CELF6: variants seen among roughly 807,000 people sequenced by gnomAD.
CELF6 encodes the protein Bruno -like 6, RNA binding protein.
CELF6 carries 32 observed loss-of-function variants against 53.1 expected under a neutral mutation model. The observed-to-expected ratio is 0.60, with a 90% CI of 0.46 to 0.81. The LOEUF is 0.81. CELF6 is among the 30% of genes least tolerant of loss of function. The pLI is 0.00. For synonymous variants in CELF6, 291 were observed against 288.8 expected, an observed-to-expected ratio of 1.01 and a Z score of -0.08; for missense variants, 539 against 669.5, an observed-to-expected ratio of 0.81 and a Z score of 2.15.
intron 3 of CELF6, among the ~76,000 whole-genome samples, chr15:72,295,277 A>G (rs71397231): frequency 0.012 from 1,822 of 152,240 alleles, 16 homozygotes; most frequent in East Asian, 0.024. Context: ...GGAGGTTTGC[A>G]GTGAGCCGAG....
intron 2 of CELF6, among the ~76,000 whole-genome samples, chr15:72,305,499 G>A (rs940866525): frequency 7.2e-5 from 11 of 152,188 alleles, no homozygotes; most frequent in African/African-American, 2.4e-4. Flanking sequence ...GAGCCACTGC[G>A]CCCGGCCAGA....
intron 3 of CELF6, among the ~76,000 whole-genome samples, chr15:72,301,886 G>C (rs900497724): frequency 1.2e-4 from 19 of 152,014 alleles, no homozygotes; most frequent in African/African-American, 4.6e-4. Flanking sequence ...ACATGCGCCC[G>C]CCACCACACC....
Position 72,319,450 on chromosome 15 carries a change from G to A in CELF6, c.262+163C>T, listed in dbSNP as rs2088400040. On this transcript the variant is annotated intron_variant, in intron 1 of 12. Coordinates refer to ENST00000287202, the MANE Select transcript of CELF6 (RefSeq NM_052840.5). The surrounding 1 kb of genome is among the most constrained non-coding windows in gnomAD (Gnocchi z 5.0). ...AGTGATAATCAGAGGGAGGATGTCAGAGAGAAAATTCTGTGATCTGGGAAG... is the reference window on the plus strand; with the variant it reads ...AGTGATAATCAGAGGGAGGATGTCAAAGAGAAAATTCTGTGATCTGGGAAG... Among the ~76,000 whole-genome samples, 1 of 152,048 alleles carries A rather than the reference G, an allele frequency of 6.6e-6. No individual in the cohort carries two copies. Among genetic ancestry groups the A allele is most frequent in the South Asian group, 2.1e-4 (1 of 4,828 alleles).
chr15:72,319,254 A>C lies in CELF6; in HGVS notation c.262+359T>G, dbSNP rs145634465. ...GAGTGTTTGGGCTCAGGGTTTGGGA[A>C]ATTGAGGGTATTCGAGATCTAGAAG... On this transcript the variant is annotated intron_variant, in intron 1 of 12. Transcript: ENST00000287202. The surrounding 1 kb of genome is among the most constrained non-coding windows in gnomAD (Gnocchi z 5.0). 1.3e-5 allele frequency among the ~76,000 whole-genome samples: 2 copies of C among 152,168 alleles called. No individual in the cohort carries two copies. Among genetic ancestry groups the C allele is most frequent in the African/African-American group, 4.8e-5 (2 of 41,512 alleles).
In CELF6 at chr15:72,304,251, T is replaced by C. The variant is rs549673172; in HGVS notation, c.394+495A>G. 3.3e-5 allele frequency among the ~76,000 whole-genome samples: 5 copies of C among 152,238 alleles called. No individual in the cohort carries two copies. In the South Asian group the frequency reaches 1.0e-3, roughly 32 times the overall value. On this transcript the variant is annotated intron_variant, in intron 3 of 12. Transcript: ENST00000287202. Reference sequence around the variant, plus strand: ...TCAGAGCTTTCCATGGTCCTCAGCATAGAGGACTTACTATGGCCCATAAAG... The same window carrying C: ...TCAGAGCTTTCCATGGTCCTCAGCACAGAGGACTTACTATGGCCCATAAAG...
At chr15:72,295,455 G>A (rs2088065485) in intron 3 of CELF6, among the ~76,000 whole-genome samples, 1 of 151,356 alleles carries the variant, frequency 6.6e-6, no homozygotes, top group African/African-American at 2.4e-5. Context: ...GAGGCCAGGC[G>A]TGGTGGCTCA....
intron 1 of CELF6, among the ~76,000 whole-genome samples, chr15:72,316,328 C>T (rs1178458937): frequency 6.6e-6 from 1 of 152,184 alleles, no homozygotes; most frequent in Non-Finnish European, 1.5e-5. Flanking sequence ...CCAGGATCAG[C>T]CTCAATTCCT....
intron 2 of CELF6, among the ~76,000 whole-genome samples, chr15:72,307,722 T>C (rs2959926): frequency 0.19 from 29,570 of 152,156 alleles, 7,664 homozygotes; most frequent in African/African-American, 0.59. Context: ...TCTTAAGGCA[T>C]GAACACAAAT....
Position 72,290,203 on chromosome 15 carries a change from G to A in CELF6, c.447C>T (p.Asp149=), listed in dbSNP as rs771470304. 1.3e-4 allele frequency: 204 copies of A among 1,613,862 alleles called. No individual in the cohort carries two copies. The highest frequency in any genetic ancestry group is 1.7e-4 in the Non-Finnish European group (201 of 1,179,946). ...GMLGKQQGEE[D]VRRLFQPFGH... ...CAAAGGGCTGGAACAGGCGTCTGAC[G>A]TCCTCCTCACCCTGCTGCTTGCCCA... is the stretch of plus-strand genomic sequence containing the variant. The change falls in exon 4 of 13, where the codon GAC becomes GAT. Residue 149 remains aspartate, a synonymous_variant. Coordinates refer to ENST00000287202, the MANE Select transcript of CELF6 (RefSeq NM_052840.5).
At chr15:72,301,600 G>C (rs1389439035) in intron 3 of CELF6, among the ~76,000 whole-genome samples, 1 of 152,138 alleles carries the variant, frequency 6.6e-6, no homozygotes, top group South Asian at 2.1e-4. Context: ...GGTCAGGTGT[G>C]TGTGACCATT....
intron 3 of CELF6, among the ~76,000 whole-genome samples, chr15:72,293,057 G>A (rs933168332): frequency 3.3e-5 from 5 of 152,098 alleles, no homozygotes; most frequent in African/African-American, 1.2e-4. Context: ...TCCCTGTCAG[G>A]GCACTGACCC....
chr15:72,297,049 G>A (rs2088089347), intron 3 of CELF6, among the ~76,000 whole-genome samples: 1 of 152,180 alleles, frequency 6.6e-6, no homozygotes. Context: ...GGGGTACAAT[G>A]TGATGCTTTG....
chr15:72,311,399 T>G (rs922146271), intron 2 of CELF6, among the ~76,000 whole-genome samples: 15 of 139,008 alleles, frequency 1.1e-4, no homozygotes, highest in Non-Finnish European at 5.9e-5. Context: ...GAGGCTCACC[T>G]TTTTTCTTTT....
At position 72,288,825 on chromosome 15, in the gene CELF6, G is replaced by C; in HGVS notation, c.1093+43C>G. On this transcript the variant is annotated intron_variant, in intron 9 of 12. Transcript: ENST00000287202. The surrounding 1 kb of genome is among the most constrained non-coding windows in gnomAD (Gnocchi z 4.6). ...CCACAACTCTCCCTATTTCTTTCTA[G>C]GGCCCTTCAACCTCCCCCAGGCCGC... is the stretch of plus-strand genomic sequence containing the variant. The C allele has an allele frequency of 6.6e-7, 1 of 1,519,456 alleles. No homozygotes were observed. The highest frequency in any genetic ancestry group is 8.9e-7 in the Non-Finnish European group (1 of 1,118,394). The allele number at this position is 1,519,456 out of a possible 1,614,324, so 94.1% of individuals were successfully genotyped here.
At chr15:72,314,556 T>A (rs2088336833) in intron 2 of CELF6, among the ~76,000 whole-genome samples, 1 of 150,940 alleles carries the variant, frequency 6.6e-6, no homozygotes, top group Admixed American at 6.6e-5. Flanking sequence ...GAGCTGGGAT[T>A]CAAATCCAGG....
chr15:72,292,256 G>C (rs971459616), intron 3 of CELF6: 4 of 1,534,732 alleles, frequency 2.6e-6, no homozygotes, highest in Non-Finnish European at 3.5e-6. Context: ...AGATCATCCT[G>C]TTCAGGAGCC....
Position 72,289,330 on chromosome 15 carries a change from C to T in CELF6, c.881-43G>A. The T allele has an allele frequency of 6.5e-7, 1 of 1,536,434 alleles. No individual in the cohort carries two copies. On this transcript the variant is annotated intron_variant, in intron 7 of 12. Coordinates refer to ENST00000287202, the MANE Select transcript of CELF6 (RefSeq NM_052840.5). The surrounding 1 kb of genome is among the most constrained non-coding windows in gnomAD (Gnocchi z 7.6). ...CTGAGAGTCAGGCCGCCACCCCGCC[C>T]CGCCCGGCCCCTCCCAGGCGCGCCC...
intron 11 of CELF6, 85 bp from the exon 12 acceptor site, chr15:72,287,477 C>T: frequency 1.3e-6 from 2 of 1,504,766 alleles, no homozygotes; most frequent in African/African-American, 1.4e-5. Flanking sequence ...CCTCTTCCAG[C>T]CCCGTCAGGC....
chr15:72,306,355 C>T (rs1373610654), intron 2 of CELF6: 3 of 947,494 alleles, frequency 3.2e-6, no homozygotes, highest in Non-Finnish European at 3.8e-6. Flanking sequence ...GACCCCCTCC[C>T]CTCAGGAAAT....
Sources: gnomAD v4.1 joint callset for allele counts (sites outside exome capture counted in the v4.1 genomes callset) on GRCh38, gnomAD v4.1.1 for gene constraint, Gnocchi (gnomAD v3.1) non-coding constraint, MANE v1.5 for transcripts, NCBI Gene and HGNC (gene_info 2026-07-23, HGNC 2026-07-21) for gene names.